Variants in SMC1A observed in about 807,000 individuals in gnomAD.
SMC1A encodes structural maintenance of chromosomes protein 1A.
A neutral mutation model predicts 94.5 loss-of-function variants in SMC1A; 4 were observed. The observed-to-expected ratio is 0.04, with a 90% CI of 0.02 to 0.10. The LOEUF is 0.10. Among genes scored for constraint, SMC1A ranks in the 10% least tolerant of loss-of-function variants. SMC1A has a pLI of 1.00. For synonymous variants in SMC1A, 345 were observed against 347.7 expected, an observed-to-expected ratio of 0.99 and a Z score of 0.09; for missense variants, 304 against 989.0, an observed-to-expected ratio of 0.31 and a Z score of 9.29.
intron 1 of SMC1A, among the ~76,000 whole-genome samples, chrX:53,422,273 C>T (rs901174089): frequency 3.6e-5 from 4 of 111,500 alleles, no homozygotes; most frequent in African/African-American, 9.8e-5. Context: ...TGGGCCGGGG[C>T]GGGGGCCGCG....
At chrX:53,385,571 G>A (rs781969151) in intron 19 of SMC1A, among the ~76,000 whole-genome samples, 23 of 110,220 alleles carry the variant, frequency 2.1e-4, no homozygotes, top group Admixed American at 2.9e-4. Context: ...CACCGCGCCC[G>A]GCCCCAGGAT....
intron 1 of SMC1A, among the ~76,000 whole-genome samples, chrX:53,417,428 G>C (rs1156772204): frequency 9.2e-6 from 1 of 108,266 alleles, no homozygotes; most frequent in Non-Finnish European, 1.9e-5. Flanking sequence ...GCACATGCCT[G>C]TAATCCCAGC....
At position 53,414,788 on chromosome X, in the gene SMC1A, G is replaced by A. The variant is rs782546548; in HGVS notation, c.381C>T (p.Leu127=). ...YSEELEKLGI[L]IKARNFLVFQ... is the part of the protein sequence containing the mutation. ...AAACGAGGAAGTTACGAGCTTTGAT[G>A]AGAATGCCCAACTTCTCTAATTCCT... The change falls in exon 3 of 25, where the codon CTC becomes CTT. Residue 127 remains leucine (L), a synonymous_variant. Coordinates refer to ENST00000322213, the MANE Select transcript of SMC1A (RefSeq NM_006306.4). 3 of 1,205,742 alleles carry A rather than the reference G, an allele frequency of 2.5e-6. No individual in the cohort carries two copies. The highest frequency in any genetic ancestry group is 3.5e-5 in the South Asian group (2 of 56,867).
At chrX:53,419,430 G>C (rs891577959) in intron 1 of SMC1A, among the ~76,000 whole-genome samples, 1 of 109,409 alleles carries the variant, frequency 9.1e-6, no homozygotes, top group Non-Finnish European at 1.9e-5. Context: ...GGAAGGCTGA[G>C]ATGGGAGGGT....
At chrX:53,395,737 T>C (rs782318098) in intron 18 of SMC1A, among the ~76,000 whole-genome samples, 1 of 111,424 alleles carries the variant, frequency 9.0e-6, no homozygotes, top group Non-Finnish European at 1.9e-5. Flanking sequence ...CTGGTTTTCC[T>C]ATAACTAAAC....
In SMC1A at chrX:53,379,139, T is replaced by C. The variant is rs1377884726; in HGVS notation, c.*964A>G. On this transcript the variant is annotated 3_prime_UTR_variant, in exon 25 of 25. Coordinates refer to ENST00000322213, the MANE Select transcript of SMC1A (RefSeq NM_006306.4). ...AGGGATAAGGCCTCCAGTGAGGAGC[T>C]TGACATCATTAAATCCTATGAGGTA... The C allele has an allele frequency of 8.9e-6, 1 of 111,924 alleles. No homozygotes were observed. The highest frequency in any genetic ancestry group is 1.9e-5 in the Non-Finnish European group (1 of 53,227). 9.2% of individuals were successfully genotyped at this position (111,924 alleles called of 1,213,427 possible).
At chrX:53,410,926 C>A (rs1602412402) in intron 7 of SMC1A, among the ~76,000 whole-genome samples, 4 of 28,812 alleles carry the variant, frequency 1.4e-4, no homozygotes, top group Admixed American at 7.2e-4. Context: ...GGCTTTGTCT[C>A]AAAAAAAAAA....
chrX:53,398,641 G>A (rs147111489), intron 16 of SMC1A, among the ~76,000 whole-genome samples: 212 of 110,894 alleles, frequency 1.9e-3, no homozygotes, highest in African/African-American at 6.6e-3. Flanking sequence ...GTAACATCAC[G>A]GATTTAAGGC....
intron 19 of SMC1A, among the ~76,000 whole-genome samples, chrX:53,388,038 C>T (rs2075612116): frequency 9.0e-6 from 1 of 111,462 alleles, no homozygotes; most frequent in Non-Finnish European, 1.9e-5. Context: ...AGTATTCCAG[C>T]CAGTAAACAC....
At chrX:53,411,008 T>A (rs781900373) in intron 7 of SMC1A, among the ~76,000 whole-genome samples, 1 of 103,009 alleles carries the variant, frequency 9.7e-6, no homozygotes, top group Non-Finnish European at 2.0e-5. Context: ...GGTTGGAAGA[T>A]TGCTTAAGCC....
At position 53,413,097 on chromosome X, in the gene SMC1A, A is replaced by G; in HGVS notation, c.657T>C (p.Ala219=). ...YQRLKDEVVR[A]QVQLQLFKLY... is the part of the protein sequence containing the mutation. ...GCTTAAAGAGCTGCAGCTGTACCTG[A>G]GCCCGTACTACCTCATCCTTCAGGC... Residue 219 remains alanine (A), a synonymous_variant, in exon 5 of 25, where the codon GCT becomes GCC. Transcript: ENST00000322213. 2 of 1,211,425 alleles carry G rather than the reference A, an allele frequency of 1.7e-6. No individual in the cohort carries two copies. Among genetic ancestry groups the G allele is most frequent in the South Asian group, 1.8e-5 (1 of 56,971 alleles).
At chrX:53,383,435 G>C in intron 19 of SMC1A, among the ~76,000 whole-genome samples, 182 bp from the exon 20 acceptor site, 1 of 111,898 alleles carries the variant, frequency 8.9e-6, no homozygotes, top group East Asian at 2.8e-4. Context: ...ACCATCTCTG[G>C]AAATTATAGG....
chrX:53,392,502 G>A (rs1175394041), intron 19 of SMC1A, among the ~76,000 whole-genome samples: 1 of 111,421 alleles, frequency 9.0e-6, no homozygotes, highest in Non-Finnish European at 1.9e-5. Context: ...CCAGGTTGGA[G>A]TGCAATGGCA....
In SMC1A at chrX:53,394,760, C is replaced by G. The variant is rs782310979; in HGVS notation, c.2973+18G>C. On this transcript the variant is annotated intron_variant, in intron 19 of 24. Transcript: ENST00000322213. ...ACCCAACCCCCACCCCCACCACACCCCTGTGGTTGATCCTCACCTTCAGAT... is the reference window on the plus strand; with the variant it reads ...ACCCAACCCCCACCCCCACCACACCGCTGTGGTTGATCCTCACCTTCAGAT... The G allele has an allele frequency of 3.4e-6, 3 of 884,950 alleles. No individual in the cohort carries two copies. Among genetic ancestry groups the G allele is most frequent in the Non-Finnish European group, 5.0e-6 (3 of 605,232 alleles). The allele number at this position is 884,950 out of a possible 1,213,427, so 72.9% of individuals were successfully genotyped here.
At position 53,419,040 on chromosome X, in the gene SMC1A, C is replaced by CAA. The variant is rs34765834; in HGVS notation, c.109+3450_109+3451dup. On this transcript the variant is annotated intron_variant, in intron 1 of 24. Transcript: ENST00000322213. ...TGGGCGACAGAGAGAGACTCTGTCT[C>CAA]AAAAAAAAAAAAAAAAAAAAAAAAG... 3.6e-3 allele frequency among the ~76,000 whole-genome samples: 131 copies of CAA among 36,608 alleles called. 2 individuals carry two copies. Among genetic ancestry groups the CAA allele is most frequent in the African/African-American group, 5.9e-3 (43 of 7,327 alleles). The allele number at this position is 36,608 out of a possible 115,157, so 31.8% of individuals were successfully genotyped here.
chrX:53,389,701 GC>G (rs1556886917), intron 19 of SMC1A, among the ~76,000 whole-genome samples: 1 of 109,568 alleles, frequency 9.1e-6, no homozygotes, highest in Non-Finnish European at 1.9e-5. Context: ...CTGCACACCA[GC>G]CCGTGATAGT....
chrX:53,397,061 G>GT (rs1211715801), intron 16 of SMC1A, among the ~76,000 whole-genome samples: 3,998 of 99,536 alleles, frequency 0.04, 192 homozygotes, highest in African/African-American at 0.13. Context: ...ATTTGTTGTT[G>GT]TTGTTTTTTT....
intron 3 of SMC1A, 106 bp from the exon 4 acceptor site, chrX:53,413,541 T>C (rs1569359163): frequency 2.9e-6 from 2 of 686,597 alleles, no homozygotes; most frequent in Non-Finnish European, 4.5e-6. Flanking sequence ...TTCTCTCCCA[T>C]GCCCCTGCTG....
At chrX:53,420,592 C>A (rs1230859057) in intron 1 of SMC1A, among the ~76,000 whole-genome samples, 2 of 110,213 alleles carry the variant, frequency 1.8e-5, no homozygotes, top group African/African-American at 6.6e-5. Context: ...ACTTGACACA[C>A]AGAGTAGGTA....
Sources: allele counts gnomAD v4.1 joint callset (sites outside exome capture counted in the v4.1 genomes callset), GRCh38; gene constraint gnomAD v4.1.1; transcripts MANE v1.5; gene names NCBI Gene and HGNC (gene_info 2026-07-23, HGNC 2026-07-21).